The following PDE7B variants were observed in gnomAD, a reference collection of about 807,000 sequenced individuals.
PDE7B encodes the protein phosphodiesterase 7B.
Under a neutral mutation model 56.2 loss-of-function variants are expected in PDE7B, and 29 were observed. The ratio of observed to expected loss-of-function variants is 0.52; its 90% CI spans 0.38 to 0.70. PDE7B has a LOEUF of 0.70. Ranked by LOEUF, PDE7B falls within the 30% of genes least tolerant of loss-of-function variation. The probability of loss-of-function intolerance (pLI) is 0.00; values close to 1 mark genes in which losing one functional copy is unlikely to be tolerated. For synonymous variants in PDE7B, 197 were observed against 196.9 expected, an observed-to-expected ratio of 1.00 and a Z score of 0.00; for missense variants, 490 against 565.0, an observed-to-expected ratio of 0.87 and a Z score of 1.35.
intron 1 of PDE7B, among the ~76,000 whole-genome samples, chr6:135,874,254 T>A (rs1775447495): frequency 6.6e-6 from 1 of 152,166 alleles, no homozygotes; most frequent in Non-Finnish European, 1.5e-5. Context: ...TATCTCTCTG[T>A]CTGCTTCATT....
chr6:136,189,587 T>C (rs1000092470), intron 12 of PDE7B, among the ~76,000 whole-genome samples: 10 of 151,906 alleles, frequency 6.6e-5, no homozygotes, highest in African/African-American at 2.4e-4. Flanking sequence ...AATTAATTAA[T>C]TAAAACAAAA....
rs1311907798 is a variant in PDE7B, at chr6:136,037,665, GT to G, written c.83-71065del. The G allele has an allele frequency of 3.0e-6, 3 of 985,332 alleles. No individual in the cohort carries two copies. The African/African-American group carries it at 5.2e-5, about 17-fold the overall frequency. The allele number at this position is 985,332 out of a possible 1,614,324, so 61.0% of individuals were successfully genotyped here. A position where few individuals can be genotyped will look rare whatever the true frequency, so the allele number is the denominator to read the frequency against. The stretch of plus-strand genomic sequence containing the variant: ...GCAGGCCTGAGCCTGTACCACAGGG[GT>G]GACTCCTCACCTGACACCTCCAGAT... On this transcript the variant is annotated intron_variant, in intron 2 of 12. Transcript: ENST00000308191.
At chr6:136,002,220 C>A (rs1775682899) in intron 2 of PDE7B, among the ~76,000 whole-genome samples, 1 of 152,158 alleles carries the variant, frequency 6.6e-6, no homozygotes, top group African/African-American at 2.4e-5. Context: ...TGGAAAGGAA[C>A]AACTGGTACC....
intron 1 of PDE7B, among the ~76,000 whole-genome samples, chr6:135,926,107 G>GGGGGGGT (rs1774181102): frequency 1.0e-5 from 1 of 98,552 alleles, no homozygotes. Flanking sequence ...GGGGAGGGGG[G>GGGGGGGT]ATGGAGTTTC....
At chr6:136,074,426 G>A (rs1182113736) in intron 2 of PDE7B, among the ~76,000 whole-genome samples, 1 of 151,898 alleles carries the variant, frequency 6.6e-6, no homozygotes, top group Non-Finnish European at 1.5e-5. Flanking sequence ...TTCTTTCTTT[G>A]TGTTACAAGC....
At chr6:135,949,511 G>C (rs1467187865) in intron 2 of PDE7B, among the ~76,000 whole-genome samples, 1 of 152,022 alleles carries the variant, frequency 6.6e-6, no homozygotes, top group East Asian at 1.9e-4. Context: ...TCAGTTTTAT[G>C]TTGCTACCAC....
chr6:136,084,173 AGAAG>A (rs1388148393), intron 2 of PDE7B, among the ~76,000 whole-genome samples: 1 of 152,242 alleles, frequency 6.6e-6, no homozygotes, highest in South Asian at 2.1e-4. Context: ...TATGAAATCA[AGAAG>A]CCCCACAACC....
At chr6:135,938,346 TA>T (rs1774455620) in intron 1 of PDE7B, among the ~76,000 whole-genome samples, 1 of 152,178 alleles carries the variant, frequency 6.6e-6, no homozygotes, top group Admixed American at 6.5e-5. Flanking sequence ...TCTGAGACAA[TA>T]AGTAAAAGAT....
In PDE7B at chr6:135,928,396, C is replaced by A. The variant is rs111658803; in HGVS notation, c.22-19068C>A. Among the ~76,000 whole-genome samples, 199 of 141,104 alleles carry A rather than the reference C, an allele frequency of 1.4e-3. 1 individual carries two copies. The highest frequency in any genetic ancestry group is 4.5e-3 in the African/African-American group (174 of 39,068). 92.6% of individuals were successfully genotyped at this position (141,104 alleles called of 152,430 possible). A position where few individuals can be genotyped will look rare whatever the true frequency, so the allele number is the denominator to read the frequency against. On this transcript the variant is annotated intron_variant, in intron 1 of 12. Transcript: ENST00000308191. ...AAAGATACAGAATCAACCTAGATGT[C>A]CATCAATGGCAGACTGAATAAAGAA...
chr6:135,886,681 T>G (rs1236552790), intron 1 of PDE7B, among the ~76,000 whole-genome samples: 1 of 152,180 alleles, frequency 6.6e-6, no homozygotes, highest in Non-Finnish European at 1.5e-5. Flanking sequence ...CCATCCAAGT[T>G]GCTGCAGAAG....
intron 12 of PDE7B, among the ~76,000 whole-genome samples, chr6:136,190,321 C>A (rs1163757005): frequency 6.6e-6 from 1 of 152,162 alleles, no homozygotes; most frequent in African/African-American, 2.4e-5. Flanking sequence ...TATGATCTCA[C>A]AATCTTTAAA....
chr6:136,146,895 G>A (rs950950540), intron 3 of PDE7B, among the ~76,000 whole-genome samples: 3 of 152,066 alleles, frequency 2.0e-5, no homozygotes, highest in Admixed American at 6.5e-5. Context: ...TAGTTAGGCC[G>A]GGTGCAGTGG....
intron 3 of PDE7B, chr6:136,117,301 C>T (rs989421451): frequency 1.3e-4 from 20 of 152,148 alleles, no homozygotes; most frequent in African/African-American, 3.6e-4. Context: ...TACCCAGAAA[C>T]AGGCAGAGCC....
At chr6:135,932,014 C>T (rs572746611) in intron 1 of PDE7B, among the ~76,000 whole-genome samples, 40 of 151,378 alleles carry the variant, frequency 2.6e-4, no homozygotes, top group African/African-American at 8.7e-4. Flanking sequence ...AAAGCAGAGC[C>T]GAATATATTA....
chr6:136,152,071 AAG>A (rs1778529605), intron 6 of PDE7B, among the ~76,000 whole-genome samples: 1 of 152,182 alleles, frequency 6.6e-6, no homozygotes, highest in Non-Finnish European at 1.5e-5. Context: ...GAAGAAGAGG[AAG>A]AGGAGGGGTT....
In PDE7B at chr6:136,020,715, CT is replaced by C. The variant is rs1193526372; in HGVS notation, c.82+73192del. Reference sequence around the variant, plus strand: ...TTTGCTATGGTCTCTAAATAAGCACCTATATTAAGAGCAAGGGACTCACCGA... The same window carrying C: ...TTTGCTATGGTCTCTAAATAAGCACCATATTAAGAGCAAGGGACTCACCGA... On this transcript the variant is annotated intron_variant, in intron 2 of 12. Coordinates refer to ENST00000308191, the MANE Select transcript of PDE7B (RefSeq NM_018945.4). Among the ~76,000 whole-genome samples, 251 of 152,238 alleles carry C rather than the reference CT, an allele frequency of 1.6e-3. 4 individuals are homozygous for C. In the East Asian group the frequency reaches 0.027, roughly 17 times the overall value.
intron 12 of PDE7B, 44 bp from the exon 13 acceptor site, chr6:136,191,570 G>A (rs768622004): frequency 6.5e-7 from 1 of 1,534,210 alleles, no homozygotes; most frequent in Non-Finnish European, 9.0e-7. Flanking sequence ...TAAGGAGCGG[G>A]TTTCACCACG....
chr6:136,178,887 A>G, intron 9 of PDE7B, 110 bp from the exon 10 acceptor site: 2 of 1,186,506 alleles, frequency 1.7e-6, no homozygotes, highest in Non-Finnish European at 1.2e-6. Context: ...AATAAACAGA[A>G]TCAAAGGCAG....
At chr6:136,145,367 C>A (rs1190950137) in intron 3 of PDE7B, among the ~76,000 whole-genome samples, 1 of 151,952 alleles carries the variant, frequency 6.6e-6, no homozygotes, top group Non-Finnish European at 1.5e-5. Flanking sequence ...TTTTTGAGCT[C>A]CCCCTTATTC....
Sources: gnomAD v4.1 joint callset for allele counts (sites outside exome capture counted in the v4.1 genomes callset) on GRCh38, gnomAD v4.1.1 for gene constraint, MANE v1.5 for transcripts, NCBI Gene and HGNC (gene_info 2026-07-23, HGNC 2026-07-21) for gene names.